SELP: variants seen among roughly 807,000 people sequenced by gnomAD.
The protein encoded by SELP is selectin P.
A neutral mutation model predicts 104.1 loss-of-function variants in SELP; 92 were observed. That is an observed-to-expected ratio of 0.88 (90% CI 0.75 to 1.05). The LOEUF (loss-of-function observed/expected upper bound fraction) is 1.05. SELP is among the 50% of genes least tolerant of loss of function. The pLI is 0.00. For missense variants in SELP, 1,022 were observed against 1,017.3 expected, an observed-to-expected ratio of 1.00 and a Z score of -0.06; for synonymous variants, 397 against 364.5, an observed-to-expected ratio of 1.09 and a Z score of -1.01.
At chr1:169,610,435 A>G (rs1223477866) in intron 7 of SELP, among the ~76,000 whole-genome samples, 1 of 152,156 alleles carries the variant, frequency 6.6e-6, no homozygotes, top group Non-Finnish European at 1.5e-5. Context: ...GAAACTTTTC[A>G]AAGTGTAAAG....
intron 9 of SELP, among the ~76,000 whole-genome samples, chr1:169,604,790 C>T (rs1288048121): frequency 6.6e-6 from 1 of 152,114 alleles, no homozygotes; most frequent in African/African-American, 2.4e-5. Flanking sequence ...ATGTTGGTAC[C>T]ACAGAACCCA....
chr1:169,610,884 G>A (rs1010262777), intron 7 of SELP, among the ~76,000 whole-genome samples: 1 of 152,166 alleles, frequency 6.6e-6, no homozygotes, highest in Non-Finnish European at 1.5e-5. Flanking sequence ...GTGAGGTTCA[G>A]AAGTGTTAAG....
Position 169,596,365 on chromosome 1 carries a change from A to G in SELP, c.1892-231T>C, listed in dbSNP as rs183617752. On this transcript the variant is annotated intron_variant, in intron 11 of 16. Transcript: ENST00000263686. The stretch of plus-strand genomic sequence containing the variant: ...GATGATTCTCCTGGCCAAGAGAAGA[A>G]ATCAGAGGAGTCATTGTTGTTGCTA... 2.8e-3 allele frequency among the ~76,000 whole-genome samples: 434 copies of G among 152,306 alleles called. 3 individuals carry two copies. The highest frequency in any genetic ancestry group is 5.6e-3 in the Admixed American group (85 of 15,298).
chr1:169,626,256 A>G (rs1199632169), intron 1 of SELP, among the ~76,000 whole-genome samples: 1 of 152,190 alleles, frequency 6.6e-6, no homozygotes. Context: ...GATCCAAAAC[A>G]AGGGGATGAG....
Position 169,619,047 on chromosome 1 carries a change from A to G in SELP, c.94+82T>C, listed in dbSNP as rs1351373486. On this transcript the variant is annotated intron_variant, in intron 2 of 16. Coordinates refer to ENST00000263686, the MANE Select transcript of SELP (RefSeq NM_003005.4). ...TTCCCATGCCTCAAACCAACTGGCTACAATCCTTAAATTTCTCACACATAG... is the reference window on the plus strand; with the variant it reads ...TTCCCATGCCTCAAACCAACTGGCTGCAATCCTTAAATTTCTCACACATAG... The G allele has an allele frequency of 1.5e-5, 18 of 1,167,700 alleles. No homozygotes were observed. In the South Asian group the frequency reaches 2.0e-4, roughly 13 times the overall value. 72.3% of individuals were successfully genotyped at this position (1,167,700 alleles called of 1,614,324 possible).
rs1169302231 is a variant in SELP, at chr1:169,597,132, C to G, written c.1750G>C (p.Asp584His). The change falls in exon 11 of 17, where the codon GAT becomes CAT. Residue 584 changes from aspartate to histidine, a missense_variant. Physicochemically the swap from Asp to His is moderately conservative, Grantham distance 81 (BLOSUM62 -1). Transcript: ENST00000263686. ...ELFAPEQGSL[D>H]CSDTRGEFNV... Reference sequence around the variant, plus strand: ...AATTCTCCACGAGTGTCAGAACAATCCAGGCTGCCCTGCTCTGGGGCAAAG... The same window carrying G: ...AATTCTCCACGAGTGTCAGAACAATGCAGGCTGCCCTGCTCTGGGGCAAAG... The G allele has an allele frequency of 1.2e-6, 2 of 1,610,692 alleles. No individual in the cohort carries two copies. The highest frequency in any genetic ancestry group is 1.1e-5 in the South Asian group (1 of 90,860).
intron 14 of SELP, among the ~76,000 whole-genome samples, chr1:169,593,137 A>G (rs1661427933): frequency 6.6e-6 from 1 of 152,140 alleles, no homozygotes; most frequent in African/African-American, 2.4e-5. Context: ...CCCCTACTGG[A>G]TTTTTCCTTC....
At chr1:169,618,364 G>T (rs1557970435) in intron 2 of SELP, among the ~76,000 whole-genome samples, 1 of 152,100 alleles carries the variant, frequency 6.6e-6, no homozygotes, top group South Asian at 2.1e-4. Flanking sequence ...TTAAGATAGG[G>T]CTCAGAACAG....
chr1:169,615,894 A>C (rs929413091), intron 3 of SELP, among the ~76,000 whole-genome samples: 5 of 152,170 alleles, frequency 3.3e-5, no homozygotes, highest in Admixed American at 1.3e-4. Context: ...AATCTAAAGA[A>C]TTCAGAATAT....
At chr1:169,591,702 C>A (rs1661362617) in intron 14 of SELP, 2 of 322,118 alleles carry the variant, frequency 6.2e-6, no homozygotes, top group Non-Finnish European at 5.7e-6. Context: ...TCAGTAAATA[C>A]ATAAATCAAT....
chr1:169,615,321 G>T (rs1662749983), intron 3 of SELP, among the ~76,000 whole-genome samples: 1 of 152,208 alleles, frequency 6.6e-6, no homozygotes, highest in African/African-American at 2.4e-5. Context: ...TGGCTGCTTA[G>T]AGTACTGTGT....
intron 1 of SELP, among the ~76,000 whole-genome samples, chr1:169,628,143 G>T (rs565312431): frequency 6.6e-6 from 1 of 152,154 alleles, no homozygotes; most frequent in Admixed American, 6.6e-5. Context: ...TGATCTATGC[G>T]CCTCGGCCTC....
At chr1:169,598,661 T>C (rs1156874523) in intron 10 of SELP, among the ~76,000 whole-genome samples, 1 of 152,220 alleles carries the variant, frequency 6.6e-6, no homozygotes, top group Admixed American at 6.5e-5. Context: ...TTCACAAAAA[T>C]AACTTTTTCA....
In SELP at chr1:169,594,795, T is replaced by C. The variant is rs748117954; in HGVS notation, c.2184A>G (p.Ser728=). The change falls in exon 13 of 17, where the codon TCA becomes TCG. Residue 728 remains serine (S), a synonymous_variant. Coordinates refer to ENST00000263686, the MANE Select transcript of SELP (RefSeq NM_003005.4). ...SNLWGNFSYG[S]ICSFHCLEGQ... ...CCTCTAGACAATGGAAAGAGCAGAT[T>C]GATCCATAACTGAAGTTTCCCCAGA... The C allele has an allele frequency of 2.5e-6, 4 of 1,613,862 alleles. No individual in the cohort carries two copies. In the East Asian group the frequency reaches 8.9e-5, roughly 36 times the overall value.
rs1051866280 is a variant in SELP at position 169,609,379 on chromosome 1, G to C, written c.1333+125C>G. ...TCTCATCCCTGGTCCCAAGCACAAAGGACATGGCCCATAGTAGGTTCTCAG... is the reference window on the plus strand; with the variant it reads ...TCTCATCCCTGGTCCCAAGCACAAACGACATGGCCCATAGTAGGTTCTCAG... On this transcript the variant is annotated intron_variant, in intron 8 of 16. Coordinates refer to ENST00000263686, the MANE Select transcript of SELP (RefSeq NM_003005.4). The C allele has an allele frequency of 3.2e-6, 3 of 930,578 alleles. No homozygotes were observed. In the African/African-American group the frequency reaches 5.0e-5, roughly 15 times the overall value. 57.6% of individuals were successfully genotyped at this position (930,578 alleles called of 1,614,324 possible).
At chr1:169,617,746 A>T (rs1662897548) in intron 2 of SELP, among the ~76,000 whole-genome samples, 1 of 152,234 alleles carries the variant, frequency 6.6e-6, no homozygotes, top group Non-Finnish European at 1.5e-5. Flanking sequence ...AGACATAAGT[A>T]ATTTGCCCAA....
intron 1 of SELP, among the ~76,000 whole-genome samples, chr1:169,620,529 A>G (rs1018371282): frequency 3.9e-5 from 6 of 152,126 alleles, no homozygotes; most frequent in Admixed American, 2.6e-4. Context: ...TACTATCAAC[A>G]TAAAAACAGT....
At position 169,597,028 on chromosome 1, in the gene SELP, A is replaced by G; in HGVS notation, c.1854T>C (p.Thr618=). 1 of 1,613,098 alleles carries G rather than the reference A, an allele frequency of 6.2e-7. No individual in the cohort carries two copies. Among genetic ancestry groups the G allele is most frequent in the South Asian group, 1.1e-5 (1 of 91,024 alleles). The part of the protein sequence containing the change: ...LEGPNNVECT[T]SGRWSATPPT... ...GTGGAGTAGCTGACCATCTTCCAGA[A>G]GTTGTGCATTCCACATTATTGGGCC... Residue 618 remains threonine, a synonymous_variant, in exon 11 of 17, where the codon ACT becomes ACC. Transcript: ENST00000263686.
intron 7 of SELP, among the ~76,000 whole-genome samples, chr1:169,610,976 A>C (rs999478853): frequency 1.3e-5 from 2 of 152,076 alleles, no homozygotes; most frequent in Non-Finnish European, 2.9e-5. Context: ...ATCTATCGTA[A>C]ATTTCCTATT....
Sources: allele counts gnomAD v4.1 joint callset (sites outside exome capture counted in the v4.1 genomes callset), GRCh38; gene constraint gnomAD v4.1.1; transcripts MANE v1.5; gene names NCBI Gene and HGNC (gene_info 2026-07-23, HGNC 2026-07-21).